Variants in GRIK3 observed in about 807,000 individuals in gnomAD.
GRIK3 encodes the protein glutamate ionotropic receptor kainate type subunit 3, also known as glutamate receptor ionotropic, kainate 3.
A neutral mutation model predicts 102.5 loss-of-function variants in GRIK3; 29 were observed. The observed-to-expected ratio is 0.28, with a 90% confidence interval of 0.21 to 0.39. GRIK3 has a LOEUF of 0.39. GRIK3 is among the 10% of genes least tolerant of loss of function. GRIK3 has a pLI of 1.00. For synonymous variants in GRIK3, 511 were observed against 504.9 expected (o/e 1.01, Z -0.16); for missense variants, 908 against 1,252.4 (o/e 0.73, Z 4.15).
intron 1 of GRIK3, among the ~76,000 whole-genome samples, chr1:36,989,501 C>G (rs988313017): frequency 1.3e-4 from 20 of 152,212 alleles, no homozygotes; most frequent in Non-Finnish European, 2.8e-4. Flanking sequence ...TCAAGGTTAC[C>G]CTGATTGCCG....
At chr1:36,932,893 A>G (rs1291753207) in intron 1 of GRIK3, among the ~76,000 whole-genome samples, 1 of 152,148 alleles carries the variant, frequency 6.6e-6, no homozygotes, top group East Asian at 1.9e-4. Context: ...TCTATTTCAA[A>G]TGCACGTACT....
chr1:36,949,790 G>A, intron 1 of GRIK3, among the ~76,000 whole-genome samples: 1 of 151,908 alleles, frequency 6.6e-6, no homozygotes, highest in East Asian at 1.9e-4. Context: ...TGTTGGCCAG[G>A]ATGGTTTCGA....
At chr1:36,928,018 C>T (rs768364654) in intron 1 of GRIK3, among the ~76,000 whole-genome samples, 3 of 152,184 alleles carry the variant, frequency 2.0e-5, no homozygotes, top group South Asian at 2.1e-4. Context: ...GCTGCCGTCA[C>T]GTGACCACTT....
intron 1 of GRIK3, among the ~76,000 whole-genome samples, chr1:36,942,723 T>A (rs551697504): frequency 6.6e-6 from 1 of 151,554 alleles, no homozygotes; most frequent in Non-Finnish European, 1.5e-5. Flanking sequence ...CCCACCCCCA[T>A]GCCTTGCCTG....
chr1:36,892,628 A>C (rs759615396), intron 1 of GRIK3, among the ~76,000 whole-genome samples: 3 of 152,070 alleles, frequency 2.0e-5, no homozygotes, highest in Non-Finnish European at 4.4e-5. Flanking sequence ...TTCCAAATTA[A>C]TTTTTCAGTT....
At chr1:36,946,700 C>A (rs938766127) in intron 1 of GRIK3, among the ~76,000 whole-genome samples, 3 of 152,228 alleles carry the variant, frequency 2.0e-5, no homozygotes, top group Non-Finnish European at 4.4e-5. Context: ...AGCCCATGCA[C>A]CTTCTCATTT....
chr1:36,929,870 A>C (rs1641568924), intron 1 of GRIK3, among the ~76,000 whole-genome samples: 2 of 152,258 alleles, frequency 1.3e-5, no homozygotes, highest in South Asian at 4.1e-4. Flanking sequence ...TGCAGTCAAG[A>C]TGTCAGCCTA....
intron 15 of GRIK3, 172 bp downstream of exon 15, chr1:36,804,815 A>T (rs1452188935): frequency 1.2e-6 from 1 of 807,674 alleles, no homozygotes; most frequent in Non-Finnish European, 1.9e-6. Context: ...GATGGAAAAA[A>T]GTGCCAGGTC....
chr1:36,916,767 C>A (rs1156912796), intron 1 of GRIK3, among the ~76,000 whole-genome samples: 1 of 152,176 alleles, frequency 6.6e-6, no homozygotes, highest in Non-Finnish European at 1.5e-5. Context: ...ATGGAAACAC[C>A]TGGATGCCCA....
intron 1 of GRIK3, among the ~76,000 whole-genome samples, chr1:36,922,243 T>C (rs564967856): frequency 6.6e-6 from 1 of 152,318 alleles, no homozygotes; most frequent in Admixed American, 6.5e-5. Flanking sequence ...CACCCTGAAC[T>C]CTGGGTGCCT....
At chr1:36,871,948 G>A (rs751957621) in intron 4 of GRIK3, among the ~76,000 whole-genome samples, 21 of 152,190 alleles carry the variant, frequency 1.4e-4, no homozygotes, top group East Asian at 5.8e-4. Context: ...GTGTCAGGCC[G>A]GGCTGGGCGG....
rs959702337 is a variant in GRIK3, at chr1:36,850,263, C to A, written c.1326+48G>T. 6 of 1,247,306 alleles carry A rather than the reference C, an allele frequency of 4.8e-6. No homozygotes were observed. Among genetic ancestry groups the A allele is most frequent in the Admixed American group, 3.4e-5 (2 of 59,494 alleles). 77.3% of individuals were successfully genotyped at this position (1,247,306 alleles called of 1,614,324 possible). ...GGACTCTCCAGCCCGAACGGCCACC[C>A]CACCCCCAGGTCGGACAGTCCTTCC... On this transcript the variant is annotated intron_variant, in intron 9 of 15. Coordinates refer to ENST00000373091, the MANE Select transcript of GRIK3 (RefSeq NM_000831.4). This position sits in a 1 kb window ranked among gnomAD's most constrained non-coding sequence, Gnocchi z 4.0.
chr1:36,983,526 G>A (rs1396944616), intron 1 of GRIK3, among the ~76,000 whole-genome samples: 1 of 152,084 alleles, frequency 6.6e-6, no homozygotes, highest in Non-Finnish European at 1.5e-5. Flanking sequence ...GCAACCCTAG[G>A]AGGTAGGGGC....
chr1:36,859,793 A>G, intron 6 of GRIK3, 51 bp downstream of exon 6: 1 of 1,376,878 alleles, frequency 7.3e-7, no homozygotes. Flanking sequence ...AGAAGAAAAG[A>G]AGGGAGGCAG....
At chr1:36,844,830 GCCA>G (rs970575044) in intron 9 of GRIK3, among the ~76,000 whole-genome samples, 1 of 152,044 alleles carries the variant, frequency 6.6e-6, no homozygotes, top group Non-Finnish European at 1.5e-5. Context: ...CAGCCTAGAG[GCCA>G]CACCCAATGC....
At chr1:36,954,932 C>A (rs566954990) in intron 1 of GRIK3, among the ~76,000 whole-genome samples, 55 of 152,378 alleles carry the variant, frequency 3.6e-4, no homozygotes, top group African/African-American at 1.3e-3. Flanking sequence ...CGTTCACACA[C>A]ACGAACACAC....
At position 36,880,623 on chromosome 1, in the gene GRIK3, T is replaced by A. The variant is rs1179483551; in HGVS notation, c.550+11A>T. The A allele has an allele frequency of 3.7e-6, 6 of 1,613,506 alleles. No homozygotes were observed. ...CCGTTGCCCCCAGCCTAGCCAGGCC[T>A]GGCCACCCACCTGTACTGTCGTCAT... On this transcript the variant is annotated intron_variant, in intron 3 of 15. Transcript: ENST00000373091. This position sits in a 1 kb window ranked among gnomAD's most constrained non-coding sequence, Gnocchi z 5.4.
chr1:36,967,912 C>T (rs1197619863), intron 1 of GRIK3, among the ~76,000 whole-genome samples: 18 of 152,218 alleles, frequency 1.2e-4, no homozygotes, highest in Admixed American at 1.2e-3. Context: ...ATAATAATGA[C>T]ATACTTTGCC....
At chr1:36,882,003 C>G (rs1326432540) in intron 2 of GRIK3, among the ~76,000 whole-genome samples, 1 of 106,704 alleles carries the variant, frequency 9.4e-6, no homozygotes, top group Non-Finnish European at 2.1e-5. Context: ...ACTCCCTCCC[C>G]CTCCTCCTTG....
Sources: gnomAD v4.1 joint callset for allele counts (sites outside exome capture counted in the v4.1 genomes callset) on GRCh38, gnomAD v4.1.1 for gene constraint, Gnocchi (gnomAD v3.1) non-coding constraint, MANE v1.5 for transcripts, NCBI Gene and HGNC (gene_info 2026-07-23, HGNC 2026-07-21) for gene names.